Variants in ME3 observed in about 807,000 individuals in gnomAD.
ME3 encodes malic enzyme 3.
In ME3, 48 loss-of-function variants were observed where a neutral mutation model predicts 68.9. The observed-to-expected ratio is 0.70, with a 90% confidence interval of 0.55 to 0.89. The LOEUF (loss-of-function observed/expected upper bound fraction) is 0.89. Among genes scored for constraint, ME3 ranks in the 40% least tolerant of loss-of-function variants. The pLI is 0.00. For missense variants in ME3, 675 were observed against 797.4 expected (o/e 0.85, Z 1.85); for synonymous variants, 320 against 318.8 (o/e 1.00, Z -0.04).
rs914413542 is a variant in ME3, at chr11:86,654,863, A to C, written c.183+16899T>G. Reference sequence around the variant, plus strand: ...CTAGAAAACCCCATCGTCTCAGCCCAAAATCTCCTTAAGCTGATAAGCAAC... The same window carrying C: ...CTAGAAAACCCCATCGTCTCAGCCCCAAATCTCCTTAAGCTGATAAGCAAC... On this transcript the variant is annotated intron_variant, in intron 2 of 14. Coordinates refer to ENST00000543262, the Ensembl canonical transcript of ME3. Among the ~76,000 whole-genome samples, 4 of 152,210 alleles carry C rather than the reference A, an allele frequency of 2.6e-5. No homozygotes were observed. The South Asian group carries it at 6.2e-4, about 24-fold the overall frequency.
chr11:86,512,100 C>G (rs147969313), intron 4 of ME3, among the ~76,000 whole-genome samples: 69 of 152,292 alleles, frequency 4.5e-4, no homozygotes, highest in African/African-American at 1.6e-3. Flanking sequence ...TAATTAAACC[C>G]TTCCTTTACT....
At chr11:86,524,739 C>G (rs1954598719) in intron 4 of ME3, among the ~76,000 whole-genome samples, 1 of 152,142 alleles carries the variant, frequency 6.6e-6, no homozygotes, top group East Asian at 1.9e-4. Flanking sequence ...CACAGAAGTT[C>G]ACTGGGAAAA....
At chr11:86,652,650 G>A (rs1212359198) in intron 2 of ME3, among the ~76,000 whole-genome samples, 2 of 151,834 alleles carry the variant, frequency 1.3e-5, no homozygotes, top group Non-Finnish European at 2.9e-5. Flanking sequence ...ATGCCAAAGT[G>A]TAAAGACCAT....
At chr11:86,638,306 G>C (rs568503242) in intron 2 of ME3, among the ~76,000 whole-genome samples, 1 of 152,246 alleles carries the variant, frequency 6.6e-6, no homozygotes, top group African/African-American at 2.4e-5. Context: ...GCACATCCAG[G>C]GCTGTGCAGT....
At chr11:86,532,450 T>C (rs539760008) in intron 4 of ME3, among the ~76,000 whole-genome samples, 3 of 152,336 alleles carry the variant, frequency 2.0e-5, no homozygotes, top group East Asian at 3.8e-4. Flanking sequence ...TTCTCCTGGA[T>C]AGATCATATG....
chr11:86,656,522 C>G (rs1386179668), intron 2 of ME3, among the ~76,000 whole-genome samples: 1 of 148,898 alleles, frequency 6.7e-6, no homozygotes, highest in East Asian at 2.0e-4. Flanking sequence ...ACTTCATGTT[C>G]TCACTCAAAG....
At chr11:86,468,620 A>G (rs1046994208) in intron 7 of ME3, among the ~76,000 whole-genome samples, 5 of 152,238 alleles carry the variant, frequency 3.3e-5, no homozygotes, top group African/African-American at 9.6e-5. Flanking sequence ...TTAAAAACCA[A>G]TTAAGAAGAG....
chr11:86,586,757 T>C (rs934361322), intron 2 of ME3, among the ~76,000 whole-genome samples: 3 of 151,978 alleles, frequency 2.0e-5, no homozygotes, highest in African/African-American at 7.3e-5. Flanking sequence ...CTGAAAATGG[T>C]TTTAGGGAAA....
intron 2 of ME3, among the ~76,000 whole-genome samples, chr11:86,611,609 G>C (rs958536689): frequency 1.0e-5 from 1 of 96,160 alleles, no homozygotes; most frequent in Non-Finnish European, 2.1e-5. Context: ...ATAAAGTGGG[G>C]GGGGGGGGAA....
intron 2 of ME3, among the ~76,000 whole-genome samples, chr11:86,597,127 CCAGA>C (rs143910781): frequency 6.6e-6 from 1 of 152,280 alleles, no homozygotes; most frequent in East Asian, 1.9e-4. Flanking sequence ...TAACAGGGTC[CCAGA>C]CTTGCGAATG....
chr11:86,450,318 A>C (rs1368742630), exon 9 of ME3: 1 of 1,614,176 alleles, frequency 6.2e-7, no homozygotes, highest in Non-Finnish European at 8.5e-7. Context: ...GCACCTTGGA[A>C]AACAAACACG....
At chr11:86,442,890 A>T (rs746139996) in exon 14 of ME3, 3 of 1,613,244 alleles carry the variant, frequency 1.9e-6, no homozygotes, top group Non-Finnish European at 2.5e-6. Flanking sequence ...CCTGGGACAG[A>T]TGCTGCTCAG....
rs577171751 is a variant in ME3, at chr11:86,670,551, T to C, written c.183+1211A>G. ...TTGAACACTTTGGAAAGTGGTAGCG[T>C]CCAAACAATTTAAGGTTTCTTTTGG... On this transcript the variant is annotated intron_variant, in intron 2 of 14. Transcript: ENST00000543262. Among the ~76,000 whole-genome samples, 17 of 152,286 alleles carry C rather than the reference T, an allele frequency of 1.1e-4. No homozygotes were observed. In the South Asian group the frequency reaches 3.5e-3, roughly 32 times the overall value.
At chr11:86,520,917 A>AT (rs1954224706) in intron 4 of ME3, among the ~76,000 whole-genome samples, 1 of 152,222 alleles carries the variant, frequency 6.6e-6, no homozygotes, top group Non-Finnish European at 1.5e-5. Flanking sequence ...TAAGATGAAG[A>AT]AGGTAGAACA....
At chr11:86,618,570 G>A (rs1333048619) in intron 2 of ME3, among the ~76,000 whole-genome samples, 1 of 152,050 alleles carries the variant, frequency 6.6e-6, no homozygotes, top group East Asian at 1.9e-4. Flanking sequence ...ATATAATTTG[G>A]ATATTTGTCC....
In ME3 at chr11:86,599,883, C is replaced by G. The variant is rs541123600; in HGVS notation, c.184-40060G>C. On this transcript the variant is annotated intron_variant, in intron 2 of 14. Coordinates refer to ENST00000543262, the Ensembl canonical transcript of ME3. ...ATAAGTGGAGAAATAAAATCCTTTA[C>G]AGACAAGCAAATGCTGAGAGATTTT... Among the ~76,000 whole-genome samples the G allele has an allele frequency of 1.7e-4, 26 of 152,244 alleles. No homozygotes were observed. In the East Asian group the frequency reaches 5.0e-3, roughly 29 times the overall value.
chr11:86,602,055 G>A lies in ME3; in HGVS notation c.184-42232C>T, dbSNP rs549622046. ...TTGAAAACTGGCACAAGACAGGGAT[G>A]CCCTCTCTCACCACTCCTATTCAAC... On this transcript the variant is annotated intron_variant, in intron 2 of 14. Transcript: ENST00000543262. 3.3e-5 allele frequency among the ~76,000 whole-genome samples: 5 copies of A among 150,626 alleles called. No individual in the cohort carries two copies. In the South Asian group the frequency reaches 8.6e-4, roughly 26 times the overall value.
At chr11:86,606,144 C>A (rs1961615868) in intron 2 of ME3, among the ~76,000 whole-genome samples, 1 of 152,204 alleles carries the variant, frequency 6.6e-6, no homozygotes, top group Non-Finnish European at 1.5e-5. Flanking sequence ...GTGACCCTTA[C>A]ATAGCAATGG....
At chr11:86,639,892 G>T (rs1174232680) in intron 2 of ME3, among the ~76,000 whole-genome samples, 1 of 152,218 alleles carries the variant, frequency 6.6e-6, no homozygotes, top group Non-Finnish European at 1.5e-5. Flanking sequence ...CGCATGAGTG[G>T]GTGATTGGGG....
Sources: gnomAD v4.1 joint callset for allele counts (sites outside exome capture counted in the v4.1 genomes callset) on GRCh38, gnomAD v4.1.1 for gene constraint, MANE v1.5 for transcripts, NCBI Gene and HGNC (gene_info 2026-07-23, HGNC 2026-07-21) for gene names.